SEC23B: variants seen among roughly 807,000 people sequenced by gnomAD.
SEC23B encodes the protein protein transport protein Sec23B.
In SEC23B, 77 loss-of-function variants were observed where a neutral mutation model predicts 104.3. That is an observed-to-expected ratio of 0.74 (90% confidence interval 0.61 to 0.89). The LOEUF (loss-of-function observed/expected upper bound fraction) is 0.89, where lower values mean the gene tolerates loss of function less well. SEC23B is among the 40% of genes least tolerant of loss of function. The probability of loss-of-function intolerance (pLI) is 0.00; values close to 1 mark genes in which losing one functional copy is unlikely to be tolerated. For synonymous variants in SEC23B, 338 were observed against 332.5 expected, an observed-to-expected ratio of 1.02 and a Z score of -0.18; for missense variants, 885 against 949.4, an observed-to-expected ratio of 0.93 and a Z score of 0.89.
chr20:18,539,837 G>T (rs2060272158), intron 12 of SEC23B, among the ~76,000 whole-genome samples: 1 of 151,602 alleles, frequency 6.6e-6, no homozygotes, highest in Non-Finnish European at 1.5e-5. Context: ...TAGAGACGGG[G>T]TTTCACCGTG....
Position 18,532,885 on chromosome 20 carries a change from A to G in SEC23B, c.1314+141A>G, listed in dbSNP as rs75179765. 3,977 of 717,106 alleles carry G rather than the reference A, an allele frequency of 5.5e-3. 78 individuals carry two copies. The highest frequency in any genetic ancestry group is 0.035 in the South Asian group (2,319 of 67,184). 44.4% of individuals were successfully genotyped at this position (717,106 alleles called of 1,614,324 possible). A position where few individuals can be genotyped will look rare whatever the true frequency, so the allele number is the denominator to read the frequency against. On this transcript the variant is annotated intron_variant, in intron 11 of 19. Coordinates refer to ENST00000650089, the MANE Select transcript of SEC23B (RefSeq NM_006363.6). ...GAAGGGCTAACCCTCACTGATGACT[A>G]TACTCGGAGAGGTGGTGTTATTCCA...
chr20:18,527,607 A>T lies in SEC23B; in HGVS notation c.1105A>T (p.Thr369Ser), dbSNP rs769456702. The T allele has an allele frequency of 6.3e-7, 1 of 1,575,864 alleles. No individual in the cohort carries two copies. Among genetic ancestry groups the T allele is most frequent in the Non-Finnish European group, 8.7e-7 (1 of 1,145,182 alleles). Residue 369 changes from threonine (T) to serine (S), a missense_variant, in exon 9 of 20, where the codon ACT (threonine) becomes TCT (serine). Coordinates refer to ENST00000650089, the MANE Select transcript of SEC23B (RefSeq NM_006363.6). ...GGAGATGAAGTGTTGTGCAAATCTT[A>T]CTGGGTATGTTGACAGTGAAAACCT... ...LLEMKCCANL[T>S]GGYMVMGDSF...
Position 18,527,483 on chromosome 20 carries a change from C to G in SEC23B, c.994-13C>G. The G allele has an allele frequency of 6.8e-7, 1 of 1,464,864 alleles. No individual in the cohort carries two copies. The highest frequency in any genetic ancestry group is 1.1e-5 in the South Asian group (1 of 88,098). 90.7% of individuals were successfully genotyped at this position (1,464,864 alleles called of 1,614,324 possible). A position where few individuals can be genotyped will look rare whatever the true frequency, so the allele number is the denominator to read the frequency against. ...GTCACTGTTTCCTAAAGATAGCTTT[C>G]CTCTCTTCACAGCACTATGAGATGC... On this transcript the variant is annotated splice_polypyrimidine_tract_variant and intron_variant, in intron 8 of 19. Coordinates refer to ENST00000650089, the MANE Select transcript of SEC23B (RefSeq NM_006363.6).
At chr20:18,548,796 TGAG>T (rs758990094) in intron 16 of SEC23B, 26 bp downstream of exon 16, 8 of 1,610,056 alleles carry the variant, frequency 5.0e-6, no homozygotes, top group Middle Eastern at 1.6e-4. Flanking sequence ...AATGCTTTCC[TGAG>T]GATTGGAATC....
chr20:18,546,917 T>G (rs968210280), intron 15 of SEC23B, among the ~76,000 whole-genome samples: 3 of 150,778 alleles, frequency 2.0e-5, no homozygotes, highest in South Asian at 2.1e-4. Flanking sequence ...TTTTTTTTTT[T>G]TTTTTTTTTT....
chr20:18,519,231 T>G (rs6075352), intron 4 of SEC23B, among the ~76,000 whole-genome samples: 103,493 of 151,954 alleles, frequency 0.68, 36,665 homozygotes, highest in Non-Finnish European at 0.8. Context: ...TACAGTCATG[T>G]GGGTCAGGTG....
Position 18,535,635 on chromosome 20 carries a change from T to G in SEC23B, c.1315-18T>G, listed in dbSNP as rs1488723385. ...GGTTTTCTGGTTTTGTTTTTCAAAT[T>G]CCTCTTCCCACCCCCAGGAGCTTGG... On this transcript the variant is annotated intron_variant, in intron 11 of 19. Transcript: ENST00000650089. 3 of 1,611,318 alleles carry G rather than the reference T, an allele frequency of 1.9e-6. No homozygotes were observed. Among genetic ancestry groups the G allele is most frequent in the Non-Finnish European group, 2.5e-6 (3 of 1,177,494 alleles).
chr20:18,518,293 A>C (rs898210509), intron 4 of SEC23B, among the ~76,000 whole-genome samples: 3 of 152,202 alleles, frequency 2.0e-5, no homozygotes, highest in Non-Finnish European at 2.9e-5. Context: ...ACCTAGACCA[A>C]GAGGTATTTT....
At position 18,560,784 on chromosome 20, in the gene SEC23B, C is replaced by A; in HGVS notation, c.*44C>A. Reference sequence around the variant, plus strand: ...AAATGCAACGGTGTCAGATTGTGTTCAAAATGTCTAGAAAGGCTTGATAAC... The same window carrying A: ...AAATGCAACGGTGTCAGATTGTGTTAAAAATGTCTAGAAAGGCTTGATAAC... On this transcript the variant is annotated 3_prime_UTR_variant, in exon 20 of 20. Transcript: ENST00000650089. 5 of 1,411,660 alleles carry A rather than the reference C, an allele frequency of 3.5e-6. No individual in the cohort carries two copies. Among genetic ancestry groups the A allele is most frequent in the Non-Finnish European group, 5.0e-6 (5 of 995,246 alleles). The allele number at this position is 1,411,660 out of a possible 1,614,324, so 87.4% of individuals were successfully genotyped here. A position where few individuals can be genotyped will look rare whatever the true frequency, so the allele number is the denominator to read the frequency against.
chr20:18,514,324 G>A (rs2060006282), intron 3 of SEC23B, among the ~76,000 whole-genome samples: 1 of 152,170 alleles, frequency 6.6e-6, no homozygotes, highest in African/African-American at 2.4e-5. Flanking sequence ...GAGGTGGCTG[G>A]TGTGTCTGTA....
At chr20:18,532,101 C>T (rs2060193402) in intron 10 of SEC23B, among the ~76,000 whole-genome samples, 5 of 152,148 alleles carry the variant, frequency 3.3e-5, no homozygotes, top group Admixed American at 3.3e-4. Flanking sequence ...GGAATTATTA[C>T]TTGGAGAATT....
intron 11 of SEC23B, 146 bp downstream of exon 11, chr20:18,532,890 C>G (rs1297241398): frequency 2.8e-6 from 2 of 709,238 alleles, no homozygotes; most frequent in Non-Finnish European, 5.2e-6. Flanking sequence ...TGACTATACT[C>G]GGAGAGGTGG....
chr20:18,525,278 A>G (rs948194211), intron 6 of SEC23B, among the ~76,000 whole-genome samples: 1 of 152,352 alleles, frequency 6.6e-6, no homozygotes, highest in African/African-American at 2.4e-5. Flanking sequence ...GACTTCTTTC[A>G]TGTGTCCTCA....
chr20:18,548,007 A>G (rs897168636), intron 15 of SEC23B, among the ~76,000 whole-genome samples: 2 of 151,892 alleles, frequency 1.3e-5, no homozygotes, highest in Admixed American at 1.3e-4. Context: ...GCTGGAGTGC[A>G]ATGGCCTGAT....
At chr20:18,545,247 G>T (rs1395640470) in intron 14 of SEC23B, among the ~76,000 whole-genome samples, 1 of 152,154 alleles carries the variant, frequency 6.6e-6, no homozygotes, top group East Asian at 1.9e-4. Flanking sequence ...TCCACAGTTA[G>T]GGGGAGGAGG....
intron 16 of SEC23B, 44 bp from the exon 17 acceptor site, chr20:18,551,045 G>A: frequency 8.1e-7 from 1 of 1,237,716 alleles, no homozygotes; most frequent in Non-Finnish European, 1.2e-6. Context: ...GCTGTGTGGG[G>A]AGCAGGGAAG....
At chr20:18,516,808 T>G (rs2060032759) in intron 4 of SEC23B, among the ~76,000 whole-genome samples, 3 of 151,960 alleles carry the variant, frequency 2.0e-5, no homozygotes, top group African/African-American at 7.3e-5. Flanking sequence ...CCACCTCGGC[T>G]TCCGAAAGTG....
Position 18,560,912 on chromosome 20 carries a change from C to G in SEC23B, c.*172C>G. 1.6e-6 allele frequency: 1 copy of G among 630,808 alleles called. No individual in the cohort carries two copies. The highest frequency in any genetic ancestry group is 2.8e-5 in the East Asian group (1 of 35,364). 39.1% of individuals were successfully genotyped at this position (630,808 alleles called of 1,614,324 possible). Reference sequence around the variant, plus strand: ...TTGTATTCCTGTCTTTGTCCTTTTTCTTGCACTATAAAATTATAAGGTCAT... The same window carrying G: ...TTGTATTCCTGTCTTTGTCCTTTTTGTTGCACTATAAAATTATAAGGTCAT... On this transcript the variant is annotated 3_prime_UTR_variant, in exon 20 of 20. Transcript: ENST00000650089.
rs182079761 is a variant in SEC23B at position 18,548,962 on chromosome 20, G to A, written c.1905+192G>A. On this transcript the variant is annotated intron_variant, in intron 16 of 19. Coordinates refer to ENST00000650089, the MANE Select transcript of SEC23B (RefSeq NM_006363.6). Reference sequence around the variant, plus strand: ...ACATATAAAGCTATTATTTGTGAAAGGCAGGAATAAATGTAAAAAACTCTA... The same window carrying A: ...ACATATAAAGCTATTATTTGTGAAAAGCAGGAATAAATGTAAAAAACTCTA... 6.7e-3 allele frequency among the ~76,000 whole-genome samples: 1,024 copies of A among 152,240 alleles called. 8 individuals are homozygous for A. The highest frequency in any genetic ancestry group is 0.031 in the Middle Eastern group (9 of 294).
Sources: gnomAD v4.1 joint callset for allele counts (sites outside exome capture counted in the v4.1 genomes callset) on GRCh38, gnomAD v4.1.1 for gene constraint, MANE v1.5 for transcripts, NCBI Gene and HGNC (gene_info 2026-07-23, HGNC 2026-07-21) for gene names.